Variants in CLIP3 observed in about 807,000 individuals in gnomAD.
The protein encoded by CLIP3 is CAP-Gly domain-containing linker protein 3.
CLIP3 carries 15 observed loss-of-function variants against 59.4 expected under a neutral mutation model. The ratio of observed to expected loss-of-function variants is 0.25; its 90% CI spans 0.17 to 0.39. CLIP3 has a LOEUF of 0.39. Ranked by LOEUF, CLIP3 falls within the 10% of genes least tolerant of loss-of-function variation. The probability of loss-of-function intolerance (pLI) is 1.00; values close to 1 mark genes in which losing one functional copy is unlikely to be tolerated. For missense variants in CLIP3, 495 were observed against 765.7 expected, an observed-to-expected ratio of 0.65 and a Z score of 4.17; for synonymous variants, 300 against 321.6, an observed-to-expected ratio of 0.93 and a Z score of 0.72.
rs1344323490 is a variant in CLIP3 at position 36,016,509 on chromosome 19, G to A, written c.1590-297C>T. On this transcript the variant is annotated intron_variant, in intron 13 of 13. Transcript: ENST00000360535. This position sits in a 1 kb window ranked among gnomAD's most constrained non-coding sequence, Gnocchi z 4.1. ...ACTACAGGTGTATGCCATTGTGTCC[G>A]GCTAACTTTTGTGTTTTTGGTAGAG... is the stretch of plus-strand genomic sequence containing the variant. 3.3e-5 allele frequency among the ~76,000 whole-genome samples: 5 copies of A among 152,146 alleles called. No homozygotes were observed. Among genetic ancestry groups the A allele is most frequent in the East Asian group, 1.9e-4 (1 of 5,200 alleles).
intron 2 of CLIP3, among the ~76,000 whole-genome samples, chr19:36,031,023 C>CTTTTTT (rs55762943): frequency 1.4e-4 from 11 of 80,176 alleles, no homozygotes; most frequent in African/African-American, 1.8e-4. Context: ...TTTTTTTTTT[C>CTTTTTT]TTTTTTTTTT....
chr19:36,030,557 C>T (rs1034276571), intron 2 of CLIP3, among the ~76,000 whole-genome samples: 2 of 152,184 alleles, frequency 1.3e-5, no homozygotes, highest in South Asian at 2.1e-4. Context: ...ACTCTGGCTG[C>T]ACTCCATCCC....
At chr19:36,024,951 A>G (rs1969058439) in intron 6 of CLIP3, among the ~76,000 whole-genome samples, 1 of 151,992 alleles carries the variant, frequency 6.6e-6, no homozygotes, top group South Asian at 2.1e-4. Flanking sequence ...CTGTAATCCC[A>G]GCTACTCGGG....
intron 2 of CLIP3, among the ~76,000 whole-genome samples, chr19:36,030,084 C>G (rs899757662): frequency 1.3e-5 from 2 of 152,132 alleles, no homozygotes; most frequent in African/African-American, 4.8e-5. Context: ...GAGACAGGGT[C>G]TCACTGTGTC....
Position 36,016,127 on chromosome 19 carries a change from A to C in CLIP3, c.*31T>G. 2 of 1,612,630 alleles carry C rather than the reference A, an allele frequency of 1.2e-6. No individual in the cohort carries two copies. Among genetic ancestry groups the C allele is most frequent in the South Asian group, 2.2e-5 (2 of 90,986 alleles). ...CGGGTGTCAGGAGATGCTAGTGGGGACTCTGTCTCTTTGTCAGGTGTCCAG... is the reference window on the plus strand; with the variant it reads ...CGGGTGTCAGGAGATGCTAGTGGGGCCTCTGTCTCTTTGTCAGGTGTCCAG... On this transcript the variant is annotated 3_prime_UTR_variant, in exon 14 of 14. Transcript: ENST00000360535. This position sits in a 1 kb window ranked among gnomAD's most constrained non-coding sequence, Gnocchi z 4.1.
chr19:36,025,910 C>T (rs1018549537), intron 6 of CLIP3, among the ~76,000 whole-genome samples: 3 of 152,218 alleles, frequency 2.0e-5, no homozygotes, highest in Non-Finnish European at 4.4e-5. Flanking sequence ...GCTGGATGAC[C>T]CTGGGCAGAT....
chr19:36,019,557 T>C lies in CLIP3; in HGVS notation c.919-251A>G, dbSNP rs28625208. On this transcript the variant is annotated intron_variant, in intron 7 of 13. Coordinates refer to ENST00000360535, the MANE Select transcript of CLIP3 (RefSeq NM_015526.3). ...TTGCCCTGTCTCATATAGTGAATAG[T>C]GACTAGCCACATAGGACAATGTAAA... Among the ~76,000 whole-genome samples, 1,115 of 152,228 alleles carry C rather than the reference T, an allele frequency of 7.3e-3. 15 individuals carry two copies. The highest frequency in any genetic ancestry group is 0.025 in the African/African-American group (1,041 of 41,540).
At chr19:36,024,311 C>T in intron 7 of CLIP3, 85 bp downstream of exon 7, 1 of 1,201,128 alleles carries the variant, frequency 8.3e-7, no homozygotes, top group Non-Finnish European at 1.2e-6. Flanking sequence ...AGGGACTGCA[C>T]TCTGCCCGAG....
chr19:36,031,569 T>C (rs554576895), intron 2 of CLIP3, among the ~76,000 whole-genome samples: 1 of 152,198 alleles, frequency 6.6e-6, no homozygotes, highest in South Asian at 2.1e-4. Flanking sequence ...CATACCCTCC[T>C]ACCTCAGATC....
rs750868880 is a variant in CLIP3 at position 36,032,193 on chromosome 19, G to A, written c.165C>T (p.Tyr55=). 3.1e-5 allele frequency: 39 copies of A among 1,273,522 alleles called. No homozygotes were observed. Among genetic ancestry groups the A allele is most frequent in the Admixed American group, 7.4e-5 (2 of 26,938 alleles). 78.9% of individuals were successfully genotyped at this position (1,273,522 alleles called of 1,614,324 possible). A position where few individuals can be genotyped will look rare whatever the true frequency, so the allele number is the denominator to read the frequency against. Residue 55 remains tyrosine (Y), a splice_region_variant and synonymous_variant, in exon 2 of 14, where the codon TAC becomes TAT. Coordinates refer to ENST00000360535, the MANE Select transcript of CLIP3 (RefSeq NM_015526.3). The surrounding 1 kb of genome is among the most constrained non-coding windows in gnomAD (Gnocchi z 4.3). ...PSAPAPLPKD[Y]AFTFFDPNDP... The stretch of plus-strand genomic sequence containing the variant: ...TTCCAGGGTGGGGACAGTGGTTACC[G>A]TAGTCCTTAGGGAGGGGGGCAGGTG...
rs796228632 is a variant in CLIP3, at chr19:36,032,402, C to G, written c.-45G>C. 34 of 1,004,556 alleles carry G rather than the reference C, an allele frequency of 3.4e-5. 1 individual carries two copies. The highest frequency in any genetic ancestry group is 5.4e-4 in the Middle Eastern group (2 of 3,716). 62.2% of individuals were successfully genotyped at this position (1,004,556 alleles called of 1,614,324 possible). ...GGGGCGGGTGCAGAGTTGGGGGCAG[C>G]CTTCAGGCAAATCCTGGAGGCAGAG... is the stretch of plus-strand genomic sequence containing the variant. On this transcript the variant is annotated 5_prime_UTR_variant, in exon 2 of 14. Transcript: ENST00000360535. The surrounding 1 kb of genome is among the most constrained non-coding windows in gnomAD (Gnocchi z 4.3).
chr19:36,017,636 G>A lies in CLIP3; in HGVS notation c.1451+19C>T, dbSNP rs775508746. Reference sequence around the variant, plus strand: ...GCTCCAGGTGGTGCCCTGGGTTTGGGCTGGAAGTTTGGGCTCACCTCTGAA... The same window carrying A: ...GCTCCAGGTGGTGCCCTGGGTTTGGACTGGAAGTTTGGGCTCACCTCTGAA... On this transcript the variant is annotated intron_variant, in intron 11 of 13. Transcript: ENST00000360535. The A allele has an allele frequency of 6.2e-7, 1 of 1,613,638 alleles. No individual in the cohort carries two copies. Among genetic ancestry groups the A allele is most frequent in the Non-Finnish European group, 8.5e-7 (1 of 1,179,768 alleles).
chr19:36,018,051 T>A, intron 9 of CLIP3, 60 bp from the exon 10 acceptor site: 2 of 1,593,892 alleles, frequency 1.3e-6, no homozygotes, highest in African/African-American at 1.3e-5. Flanking sequence ...GGGAACCTCG[T>A]GCCACCTGGA....
rs1968839840 is a variant in CLIP3 at position 36,017,785 on chromosome 19, C to G, written c.1328-7G>C. 7 of 1,614,044 alleles carry G rather than the reference C, an allele frequency of 4.3e-6. No individual in the cohort carries two copies. The South Asian group carries it at 7.7e-5, about 18-fold the overall frequency. On this transcript the variant is annotated splice_polypyrimidine_tract_variant and splice_region_variant and intron_variant, in intron 10 of 13. Transcript: ENST00000360535. The stretch of plus-strand genomic sequence containing the variant: ...TCAATGCCATACCAGTAACCTGCAG[C>G]ACGAGGGTGTCAGGATTTCTCAAGG...
At chr19:36,025,805 A>AG (rs1214980501) in intron 6 of CLIP3, among the ~76,000 whole-genome samples, 1 of 152,128 alleles carries the variant, frequency 6.6e-6, no homozygotes, top group African/African-American at 2.4e-5. Flanking sequence ...GATCATATTG[A>AG]GGGCTTAGGA....
intron 2 of CLIP3, among the ~76,000 whole-genome samples, chr19:36,031,118 C>T (rs1288342221): frequency 2.8e-5 from 4 of 141,450 alleles, no homozygotes; most frequent in East Asian, 2.2e-4. Flanking sequence ...CAGGTTCAAG[C>T]GATTCTACTG....
intron 2 of CLIP3, among the ~76,000 whole-genome samples, chr19:36,028,529 G>A (rs1488333502): frequency 2.0e-5 from 3 of 152,186 alleles, no homozygotes; most frequent in African/African-American, 4.8e-5. Context: ...AACTCAGTGC[G>A]TGGTGAATGA....
At position 36,026,123 on chromosome 19, in the gene CLIP3, G is replaced by C; in HGVS notation, c.681+24C>G. The C allele has an allele frequency of 6.3e-7, 1 of 1,579,252 alleles. No homozygotes were observed. The highest frequency in any genetic ancestry group is 8.7e-7 in the Non-Finnish European group (1 of 1,149,750). ...GGAGGAAGGGAGCAGGAGGGTAACG[G>C]GTTCTGGGCAAGGGTGGCAGTACCC... On this transcript the variant is annotated intron_variant, in intron 6 of 13. Coordinates refer to ENST00000360535, the MANE Select transcript of CLIP3 (RefSeq NM_015526.3). This position sits in a 1 kb window ranked among gnomAD's most constrained non-coding sequence, Gnocchi z 6.3.
intron 2 of CLIP3, among the ~76,000 whole-genome samples, chr19:36,028,996 CTTTT>C (rs71167588): frequency 5.5e-4 from 36 of 65,270 alleles, no homozygotes; most frequent in African/African-American, 1.6e-3. Flanking sequence ...ATCTCCTACT[CTTTT>C]TTTTTTTTTT....
Sources: allele counts gnomAD v4.1 joint callset (sites outside exome capture counted in the v4.1 genomes callset), GRCh38; gene constraint gnomAD v4.1.1; non-coding constraint Gnocchi (gnomAD v3.1); transcripts MANE v1.5; gene names NCBI Gene and HGNC (gene_info 2026-07-23, HGNC 2026-07-21).